APOLD1: variants seen among roughly 807,000 people sequenced by gnomAD.
APOLD1 encodes the protein apolipoprotein L domain-containing protein 1.
In APOLD1, 22 loss-of-function variants were observed where a neutral mutation model predicts 15.3. The observed-to-expected ratio is 1.44, with a 90% confidence interval of 1.03 to 2.05. APOLD1 has a LOEUF of 2.05. Among genes scored for constraint, APOLD1 ranks in the 30% most tolerant of loss-of-function variants. The pLI, the probability that APOLD1 is intolerant of heterozygous loss-of-function variation, is 0.00. For missense variants in APOLD1, 394 were observed against 353.5 expected (o/e 1.11, Z -0.92); for synonymous variants, 190 against 167.4 (o/e 1.13, Z -1.04).
intron 1 of APOLD1, among the ~76,000 whole-genome samples, chr12:12,756,730 C>G (rs1946859947): frequency 6.6e-6 from 1 of 152,184 alleles, no homozygotes; most frequent in Admixed American, 6.5e-5. Flanking sequence ...ATAAAGTTGT[C>G]TAGTCTAGGT....
At position 12,788,806 on chromosome 12, in the gene APOLD1, G is replaced by A. The variant is rs1232774741; in HGVS notation, c.*1154G>A. On this transcript the variant is annotated 3_prime_UTR_variant, in exon 2 of 2. Coordinates refer to ENST00000356591, the MANE Select transcript of APOLD1 (RefSeq NM_030817.3). The stretch of plus-strand genomic sequence containing the variant: ...AATCCCCTTGATGAGCTTTCACGAA[G>A]TCTCACGGCTTCTCTAGGGACTCCA... 6.6e-6 allele frequency: 1 copy of A among 152,332 alleles called. No homozygotes were observed. The highest frequency in any genetic ancestry group is 6.5e-5 in the Admixed American group (1 of 15,304). The allele number at this position is 152,332 out of a possible 1,614,324, so 9.4% of individuals were successfully genotyped here.
intron 1 of APOLD1, among the ~76,000 whole-genome samples, chr12:12,778,745 CAT>C (rs1247560523): frequency 6.6e-6 from 1 of 152,200 alleles, no homozygotes; most frequent in Non-Finnish European, 1.5e-5. Context: ...GCTTCCAAAA[CAT>C]ATTCTGTACT....
At chr12:12,726,534 A>G (rs980289298) in intron 1 of APOLD1, among the ~76,000 whole-genome samples, 3 of 152,200 alleles carry the variant, frequency 2.0e-5, no homozygotes, top group Admixed American at 2.0e-4. Context: ...CTCAGTCCCT[A>G]TGTCCGTATT....
At chr12:12,777,889 GTTTTTT>G (rs71436735) in intron 1 of APOLD1, among the ~76,000 whole-genome samples, 2,883 of 114,874 alleles carry the variant, frequency 0.025, 10 homozygotes, top group Non-Finnish European at 0.033. Flanking sequence ...AAGGAAAGGT[GTTTTTT>G]TTTTTTTTTT....
At position 12,787,407 on chromosome 12, in the gene APOLD1, T is replaced by A. The variant is rs543868988; in HGVS notation, c.502T>A (p.Tyr168Asn). The change falls in exon 2 of 2, where the codon TAC (tyrosine) becomes AAC (asparagine). Residue 168 changes from tyrosine (Y) to asparagine (N), a missense_variant. Physicochemically the swap from Tyr to Asn is moderately radical, Grantham distance 143 (BLOSUM62 -2). Coordinates refer to ENST00000356591, the MANE Select transcript of APOLD1 (RefSeq NM_030817.3). This position sits in a 1 kb window ranked among gnomAD's most constrained non-coding sequence, Gnocchi z 4.9. ...CTCCATCGCCCTGTACAATTCTGTC[T>A]ACTTCATCGTCTTCTTTGGCTCACG... ...NASIALYNSV[Y>N]FIVFFGSRGF... 9.4e-5 allele frequency: 152 copies of A among 1,614,202 alleles called. No individual in the cohort carries two copies. In the South Asian group the frequency reaches 1.6e-3, roughly 17 times the overall value.
chr12:12,747,742 T>C (rs1592294552), intron 1 of APOLD1, among the ~76,000 whole-genome samples: 2 of 152,170 alleles, frequency 1.3e-5, no homozygotes, highest in Admixed American at 1.3e-4. Context: ...CTTGCAACAT[T>C]TGGTTCATTG....
chr12:12,772,525 C>A (rs1002034562), intron 1 of APOLD1, among the ~76,000 whole-genome samples: 4 of 152,142 alleles, frequency 2.6e-5, no homozygotes, highest in Non-Finnish European at 5.9e-5. Context: ...ATAAATGAAT[C>A]CACTATTATA....
intron 1 of APOLD1, among the ~76,000 whole-genome samples, chr12:12,762,657 C>T (rs1020429873): frequency 1.3e-5 from 2 of 151,696 alleles, no homozygotes; most frequent in African/African-American, 4.8e-5. Flanking sequence ...CCAGCCTTAC[C>T]CTGACTTTTT....
intron 1 of APOLD1, among the ~76,000 whole-genome samples, chr12:12,743,040 C>A (rs1717800533): frequency 6.6e-6 from 1 of 152,262 alleles, no homozygotes; most frequent in South Asian, 2.1e-4. Context: ...GCGTGAGCCA[C>A]CGCGCCCCGC....
At position 12,787,646 on chromosome 12, in the gene APOLD1, T is replaced by A. The variant is rs563512906; in HGVS notation, c.741T>A (p.Phe247Leu). The change falls in exon 2 of 2, where the codon TTT (phenylalanine) becomes TTA (leucine). Residue 247 changes from phenylalanine to leucine, a missense_variant. Transcript: ENST00000356591. The surrounding 1 kb of genome is among the most constrained non-coding windows in gnomAD (Gnocchi z 4.9). ...KISADQRAGL[F>L]F is the part of the protein sequence containing the mutation. Reference sequence around the variant, plus strand: ...CTGCTGACCAGCGTGCAGGGCTGTTTTTCTGAGAACATCCTTTCCCCCTAA... The same window carrying A: ...CTGCTGACCAGCGTGCAGGGCTGTTATTCTGAGAACATCCTTTCCCCCTAA... 1.9e-5 allele frequency: 30 copies of A among 1,588,710 alleles called. No homozygotes were observed. Among genetic ancestry groups the A allele is most frequent in the Non-Finnish European group, 2.6e-5 (30 of 1,170,118 alleles).
chr12:12,726,243 G>A lies in APOLD1; in HGVS notation c.96+147G>A, dbSNP rs959265639. On this transcript the variant is annotated intron_variant, in intron 1 of 1. Coordinates refer to the APOLD1 transcript ENST00000326765. ...CTCAGAACCCATCATAATTCAGCCA[G>A]TCGGTGTCATTTTTATTGAATTAAA... 29 of 738,474 alleles carry A rather than the reference G, an allele frequency of 3.9e-5. No individual in the cohort carries two copies. In the African/African-American group the frequency reaches 4.3e-4, roughly 11 times the overall value. The allele number at this position is 738,474 out of a possible 1,614,324, so 45.7% of individuals were successfully genotyped here.
chr12:12,730,052 G>A (rs1053572214), intron 1 of APOLD1, among the ~76,000 whole-genome samples: 1,508 of 105,632 alleles, frequency 0.014, 13 homozygotes, highest in Non-Finnish European at 0.018. Context: ...GTGTGTGTGT[G>A]TGTGTGTGTG....
chr12:12,731,676 T>C (rs1316014755), intron 1 of APOLD1, among the ~76,000 whole-genome samples: 1 of 152,214 alleles, frequency 6.6e-6, no homozygotes, highest in East Asian at 1.9e-4. Flanking sequence ...GAAAACATGC[T>C]CAATTGTAGA....
Position 12,791,064 on chromosome 12 carries a change from C to G in APOLD1, c.*3412C>G, listed in dbSNP as rs567866293. The G allele has an allele frequency of 6.6e-6, 1 of 152,264 alleles. No individual in the cohort carries two copies. Among genetic ancestry groups the G allele is most frequent in the Admixed American group, 6.5e-5 (1 of 15,286 alleles). The allele number at this position is 152,264 out of a possible 1,614,324, so 9.4% of individuals were successfully genotyped here. On this transcript the variant is annotated 3_prime_UTR_variant, in exon 2 of 2. Coordinates refer to ENST00000356591, the MANE Select transcript of APOLD1 (RefSeq NM_030817.3). The stretch of plus-strand genomic sequence containing the variant: ...CAATCATTTGAATTGTTCTGTTTCA[C>G]AATAAAGGAGATTCACTGGGTTCTG...
chr12:12,736,767 G>A (rs1946689974), intron 1 of APOLD1, among the ~76,000 whole-genome samples: 1 of 152,176 alleles, frequency 6.6e-6, no homozygotes, highest in Non-Finnish European at 1.5e-5. Context: ...TAAGGAGGGT[G>A]TAATGTGTAG....
chr12:12,781,981 G>C (rs1947084889), upstream of APOLD1, among the ~76,000 whole-genome samples: 1 of 151,838 alleles, frequency 6.6e-6, no homozygotes, highest in African/African-American at 2.4e-5. Context: ...AGTTCTGGCT[G>C]GCCATGGTGG....
intron 1 of APOLD1, among the ~76,000 whole-genome samples, chr12:12,749,696 G>A (rs1946792964): frequency 6.6e-6 from 1 of 152,290 alleles, no homozygotes; most frequent in South Asian, 2.1e-4. Context: ...ACCACCAAGT[G>A]GCCCATGGGA....
At chr12:12,755,012 C>T (rs1398880087) in intron 1 of APOLD1, among the ~76,000 whole-genome samples, 1 of 151,876 alleles carries the variant, frequency 6.6e-6, no homozygotes, top group Non-Finnish European at 1.5e-5. Context: ...AGCCACTGCA[C>T]TCCAGTCTGG....
In APOLD1 at chr12:12,727,954, TTTAA is replaced by T. The variant is rs202138010; in HGVS notation, c.96+1877_96+1880del. Reference sequence around the variant, plus strand: ...AACATCTAACACCTACTGTTTAATCTTTAATTAATTAATTAATTAATTTTTCTTT... The same window carrying T: ...AACATCTAACACCTACTGTTTAATCTTTAATTAATTAATTAATTTTTCTTT... On this transcript the variant is annotated intron_variant, in intron 1 of 1. Transcript: ENST00000326765. Among the ~76,000 whole-genome samples the T allele has an allele frequency of 2.4e-3, 360 of 151,818 alleles. 1 individual carries two copies. Among genetic ancestry groups the T allele is most frequent in the Middle Eastern group, 6.8e-3 (2 of 292 alleles).
Sources: allele counts gnomAD v4.1 joint callset (sites outside exome capture counted in the v4.1 genomes callset), GRCh38; gene constraint gnomAD v4.1.1; non-coding constraint Gnocchi (gnomAD v3.1); transcripts MANE v1.5; gene names NCBI Gene and HGNC (gene_info 2026-07-23, HGNC 2026-07-21).